SLC39A11: variants seen among roughly 807,000 people sequenced by gnomAD.
The protein encoded by SLC39A11 is zinc transporter ZIP11.
A neutral mutation model predicts 36.1 loss-of-function variants in SLC39A11; 33 were observed. The observed-to-expected ratio is 0.91, with a 90% confidence interval of 0.69 to 1.22. The LOEUF (loss-of-function observed/expected upper bound fraction) is 1.22. Ranked by LOEUF, SLC39A11 falls within the 50% of genes most tolerant of loss-of-function variation. The probability of loss-of-function intolerance (pLI) is 0.00; values close to 1 mark genes in which losing one functional copy is unlikely to be tolerated. For synonymous variants in SLC39A11, 166 were observed against 170.3 expected, an observed-to-expected ratio of 0.97 and a Z score of 0.20; for missense variants, 432 against 430.3, an observed-to-expected ratio of 1.00 and a Z score of -0.03.
chr17:72,867,972 A>G (rs757765294), intron 5 of SLC39A11, among the ~76,000 whole-genome samples: 8 of 152,230 alleles, frequency 5.3e-5, no homozygotes, highest in Non-Finnish European at 1.2e-4. Flanking sequence ...GAAACTGCCA[A>G]CTAACCTCTA....
chr17:72,910,432 T>A (rs113842150), intron 5 of SLC39A11, among the ~76,000 whole-genome samples: 7 of 152,012 alleles, frequency 4.6e-5, no homozygotes, highest in Non-Finnish European at 7.4e-5. Flanking sequence ...GAGACCAGCG[T>A]GGCCAACGTT....
At chr17:72,901,633 G>A (rs569650128) in intron 5 of SLC39A11, among the ~76,000 whole-genome samples, 3 of 152,278 alleles carry the variant, frequency 2.0e-5, no homozygotes, top group South Asian at 4.1e-4. Context: ...GGCCATGTCC[G>A]CCAGTGCACA....
At chr17:72,732,261 C>T (rs1476666783) in intron 7 of SLC39A11, among the ~76,000 whole-genome samples, 9 of 151,802 alleles carry the variant, frequency 5.9e-5, no homozygotes, top group Non-Finnish European at 1.3e-4. Context: ...GGGATCCGCC[C>T]GCCTCGGCCT....
chr17:72,712,508 T>C (rs908596233), intron 7 of SLC39A11, among the ~76,000 whole-genome samples: 1 of 152,158 alleles, frequency 6.6e-6, no homozygotes, highest in Admixed American at 6.5e-5. Context: ...TGAAAGGCAA[T>C]ATGGAGAGAA....
intron 3 of SLC39A11, among the ~76,000 whole-genome samples, chr17:73,072,734 T>A (rs1407613717): frequency 2.6e-5 from 4 of 152,080 alleles, no homozygotes; most frequent in African/African-American, 9.7e-5. Context: ...ACCACTAGTG[T>A]TTGGGGGCTG....
intron 6 of SLC39A11, among the ~76,000 whole-genome samples, chr17:72,765,359 C>T (rs552979298): frequency 1.3e-5 from 2 of 152,340 alleles, no homozygotes; most frequent in South Asian, 2.1e-4. Context: ...CAGCAGCACC[C>T]ATTCCCTTGC....
chr17:72,664,434 T>A (rs559146583), intron 7 of SLC39A11, among the ~76,000 whole-genome samples: 1 of 152,256 alleles, frequency 6.6e-6, no homozygotes, highest in Admixed American at 6.5e-5. Context: ...GTGGTGCCAT[T>A]CTTGGCTACT....
chr17:72,866,088 G>C (rs1046125750), intron 5 of SLC39A11, among the ~76,000 whole-genome samples: 1 of 152,178 alleles, frequency 6.6e-6, no homozygotes, highest in Non-Finnish European at 1.5e-5. Context: ...GCACAGCAGG[G>C]GGTGAGCGGC....
At chr17:72,756,364 C>T (rs2075363685) in intron 6 of SLC39A11, among the ~76,000 whole-genome samples, 1 of 152,228 alleles carries the variant, frequency 6.6e-6, no homozygotes. Context: ...CACAGCAGCT[C>T]AAACCTGGAA....
At chr17:72,947,639 C>G (rs1289355691) in intron 5 of SLC39A11, 113 bp downstream of exon 5, 1 of 1,475,924 alleles carries the variant, frequency 6.8e-7, no homozygotes, top group South Asian at 1.2e-5. Context: ...AGGGATAGGA[C>G]AGTGCTGGCA....
chr17:72,677,979 T>C (rs2071348784), intron 7 of SLC39A11, among the ~76,000 whole-genome samples: 3 of 152,126 alleles, frequency 2.0e-5, no homozygotes, highest in Admixed American at 6.6e-5. Flanking sequence ...AATACCAAGC[T>C]TAACCTGGCA....
At chr17:72,717,348 A>G (rs1008661475) in intron 7 of SLC39A11, among the ~76,000 whole-genome samples, 1 of 152,082 alleles carries the variant, frequency 6.6e-6, no homozygotes, top group Non-Finnish European at 1.5e-5. Flanking sequence ...GAAGTACCAC[A>G]GGGATTTGTT....
intron 5 of SLC39A11, among the ~76,000 whole-genome samples, chr17:72,894,399 G>A (rs1227624918): frequency 6.8e-6 from 1 of 146,362 alleles, no homozygotes; most frequent in Non-Finnish European, 1.5e-5. Flanking sequence ...GCCAGGGACG[G>A]TGACTCATGC....
chr17:72,725,853 T>G (rs1386004788), intron 7 of SLC39A11, among the ~76,000 whole-genome samples: 2 of 152,122 alleles, frequency 1.3e-5, no homozygotes, highest in Non-Finnish European at 2.9e-5. Context: ...AAAATAAAAT[T>G]GAGAGCACAA....
At chr17:72,750,382 A>G (rs2075107928) in intron 6 of SLC39A11, among the ~76,000 whole-genome samples, 1 of 142,896 alleles carries the variant, frequency 7.0e-6, no homozygotes, top group Non-Finnish European at 1.5e-5. Context: ...GTACATGGGC[A>G]TCATGAACTC....
At chr17:72,917,008 A>G (rs952199118) in intron 5 of SLC39A11, among the ~76,000 whole-genome samples, 5 of 152,250 alleles carry the variant, frequency 3.3e-5, no homozygotes, top group African/African-American at 1.2e-4. Flanking sequence ...GGAATGGACC[A>G]GTACAAACGT....
At chr17:72,881,818 T>C (rs1297200715) in intron 5 of SLC39A11, among the ~76,000 whole-genome samples, 2 of 152,242 alleles carry the variant, frequency 1.3e-5, no homozygotes, top group Non-Finnish European at 2.9e-5. Context: ...CCTGAAGAAA[T>C]GTGTATGTTT....
At chr17:72,845,064 C>A (rs1253408864) in intron 6 of SLC39A11, among the ~76,000 whole-genome samples, 3 of 152,222 alleles carry the variant, frequency 2.0e-5, no homozygotes, top group Admixed American at 2.0e-4. Context: ...CCTTGGTCTG[C>A]ACCACTATCA....
intron 6 of SLC39A11, among the ~76,000 whole-genome samples, chr17:72,773,680 C>CACACACACACACACACACACAT (rs879349280): frequency 5.3e-5 from 8 of 150,148 alleles, no homozygotes; most frequent in African/African-American, 2.0e-4. Context: ...CACACACACC[C>CACACACACACACACACACACAT]AGTATATAAA....
Sources: gnomAD v4.1 joint callset for allele counts (sites outside exome capture counted in the v4.1 genomes callset) on GRCh38, gnomAD v4.1.1 for gene constraint, MANE v1.5 for transcripts, NCBI Gene and HGNC (gene_info 2026-07-23, HGNC 2026-07-21) for gene names.